Variants in GLRB observed in about 807,000 individuals in gnomAD.
GLRB encodes the protein glycine receptor beta.
In GLRB, 33 loss-of-function variants were observed where a neutral mutation model predicts 54.2. The ratio of observed to expected loss-of-function variants is 0.61; its 90% CI spans 0.46 to 0.81. The LOEUF (loss-of-function observed/expected upper bound fraction) is 0.81, where lower values mean the gene tolerates loss of function less well. Ranked by LOEUF, GLRB falls within the 40% of genes least tolerant of loss-of-function variation. GLRB has a pLI of 0.00. For missense variants in GLRB, 572 were observed against 584.6 expected, an observed-to-expected ratio of 0.98 and a Z score of 0.22; for synonymous variants, 209 against 208.2, an observed-to-expected ratio of 1.00 and a Z score of -0.03.
intron 4 of GLRB, among the ~76,000 whole-genome samples, chr4:157,134,265 A>G (rs1334781661): frequency 6.6e-6 from 1 of 152,086 alleles, no homozygotes; most frequent in Non-Finnish European, 1.5e-5. Flanking sequence ...GATAAAGAAT[A>G]CTAATGAGTG....
intron 2 of GLRB, among the ~76,000 whole-genome samples, chr4:157,089,108 G>A (rs1003706133): frequency 6.6e-5 from 10 of 152,082 alleles, no homozygotes; most frequent in Admixed American, 5.9e-4. Flanking sequence ...TAAAGATTTC[G>A]GCTGGGTGCC....
intron 2 of GLRB, among the ~76,000 whole-genome samples, chr4:157,083,171 A>G (rs1451399701): frequency 6.6e-6 from 1 of 152,034 alleles, no homozygotes; most frequent in Non-Finnish European, 1.5e-5. Context: ...GCTCTGTGCT[A>G]GTGCAGAAAT....
intron 9 of GLRB, among the ~76,000 whole-genome samples, chr4:157,159,358 C>A (rs1433663344): frequency 2.0e-5 from 3 of 152,058 alleles, no homozygotes; most frequent in Non-Finnish European, 2.9e-5. Flanking sequence ...GCCAGAACTT[C>A]CAACACTATG....
At chr4:157,109,846 C>A (rs1735353063) in intron 2 of GLRB, among the ~76,000 whole-genome samples, 1 of 152,016 alleles carries the variant, frequency 6.6e-6, no homozygotes, top group African/African-American at 2.4e-5. Context: ...GGTGATCAGG[C>A]AACTGGAGAA....
intron 2 of GLRB, among the ~76,000 whole-genome samples, chr4:157,090,724 A>C (rs766331243): frequency 3.9e-5 from 6 of 152,150 alleles, no homozygotes; most frequent in Admixed American, 1.3e-4. Context: ...CATCATTTGG[A>C]AAATACTGAT....
intron 9 of GLRB, among the ~76,000 whole-genome samples, 186 bp downstream of exon 9, chr4:157,153,196 C>G (rs538872333): frequency 6.6e-6 from 1 of 152,074 alleles, no homozygotes; most frequent in African/African-American, 2.4e-5. Flanking sequence ...ACATTCAGAA[C>G]GTTTAGGTCG....
chr4:157,141,527 C>T (rs936073704), intron 7 of GLRB, among the ~76,000 whole-genome samples: 1 of 151,566 alleles, frequency 6.6e-6, no homozygotes, highest in African/African-American at 2.4e-5. Flanking sequence ...ATAGAAGTAA[C>T]AAAAGTGGAG....
intron 2 of GLRB, among the ~76,000 whole-genome samples, chr4:157,083,675 A>G (rs1055462986): frequency 6.6e-6 from 1 of 152,152 alleles, no homozygotes; most frequent in African/African-American, 2.4e-5. Flanking sequence ...TAAAAATTTT[A>G]TCTTGATCTG....
At chr4:157,127,058 G>GA (rs1012786177) in intron 4 of GLRB, among the ~76,000 whole-genome samples, 2 of 151,510 alleles carry the variant, frequency 1.3e-5, no homozygotes, top group African/African-American at 4.8e-5. Context: ...TGACTGTCAA[G>GA]AAAAAAATTC....
At chr4:157,104,414 G>C (rs962368848) in intron 2 of GLRB, among the ~76,000 whole-genome samples, 2 of 152,018 alleles carry the variant, frequency 1.3e-5, no homozygotes, top group East Asian at 1.9e-4. Flanking sequence ...ATCCCACTTG[G>C]TCATGGTGTA....
At chr4:157,170,330 A>T (rs1231368821) in intron 9 of GLRB, 102 bp from the exon 10 acceptor site, 1 of 708,390 alleles carries the variant, frequency 1.4e-6, no homozygotes, top group African/African-American at 1.8e-5. Flanking sequence ...ACATAAGCAA[A>T]TGCTTCTTGT....
chr4:157,169,597 A>G (rs969350615), intron 9 of GLRB, among the ~76,000 whole-genome samples: 1 of 152,142 alleles, frequency 6.6e-6, no homozygotes, highest in Admixed American at 6.6e-5. Context: ...TGTATTTTTG[A>G]TCTGCATTTG....
At chr4:157,081,772 A>G (rs1352296025) in intron 2 of GLRB, among the ~76,000 whole-genome samples, 1 of 152,036 alleles carries the variant, frequency 6.6e-6, no homozygotes, top group Non-Finnish European at 1.5e-5. Flanking sequence ...TGCCACATTG[A>G]CCTTACCGTG....
chr4:157,106,931 G>A (rs1331984851), intron 2 of GLRB, among the ~76,000 whole-genome samples: 1 of 151,988 alleles, frequency 6.6e-6, no homozygotes, highest in African/African-American at 2.4e-5. Context: ...CTTTGAGCTA[G>A]TGTGTTGGCA....
At position 157,078,972 on chromosome 4, in the gene GLRB, C is replaced by T. The variant is rs903336530; in HGVS notation, c.122+826C>T. Among the ~76,000 whole-genome samples the T allele has an allele frequency of 8.5e-5, 13 of 152,280 alleles. 1 individual carries two copies. The highest frequency in any genetic ancestry group is 2.9e-4 in the African/African-American group (12 of 41,546). On this transcript the variant is annotated intron_variant, in intron 2 of 9. Transcript: ENST00000264428. ...ATTTTTTAGTAGAGACAGGATTTCA[C>T]CATGTTGACCTGTCTGGTCTCCAAC...
At chr4:157,113,262 T>C (rs1735487031) in intron 2 of GLRB, among the ~76,000 whole-genome samples, 1 of 151,910 alleles carries the variant, frequency 6.6e-6, no homozygotes, top group African/African-American at 2.4e-5. Context: ...TTAGAAGTCG[T>C]AACTATGGAT....
intron 4 of GLRB, among the ~76,000 whole-genome samples, chr4:157,126,802 C>T (rs17035689): frequency 0.035 from 5,239 of 151,768 alleles, 156 homozygotes; most frequent in African/African-American, 0.082. Context: ...TGGGTATTAT[C>T]GTGTATTGTC....
chr4:157,126,688 G>C (rs1200828894), intron 4 of GLRB, among the ~76,000 whole-genome samples: 1 of 151,796 alleles, frequency 6.6e-6, no homozygotes, highest in African/African-American at 2.4e-5. Context: ...CTACAGTTAT[G>C]CTTACAATAT....
In GLRB at chr4:157,078,072, G is replaced by A. The variant is rs1311408539; in HGVS notation, c.48G>A (p.Trp16Ter). ...CCTTTTTAATTTTAATTTCCTTGTG[G>A]GTGGAAGAAGCCTATTCTAAGGAAA... is the stretch of plus-strand genomic sequence containing the variant. ...TTAFLILISL[W>*]VEEAYSKEKS... is the part of the protein sequence containing the mutation. Residue 16 changes from tryptophan (W) to a stop codon, truncating the protein, a stop_gained, in exon 2 of 10, where the codon TGG becomes TGA. Coordinates refer to ENST00000264428, the MANE Select transcript of GLRB (RefSeq NM_000824.5). LOFTEE classifies it high-confidence loss of function. 2 of 1,610,314 alleles carry A rather than the reference G, an allele frequency of 1.2e-6. No individual in the cohort carries two copies. The highest frequency in any genetic ancestry group is 1.7e-6 in the Non-Finnish European group (2 of 1,177,088).
Sources: gnomAD v4.1 joint callset for allele counts (sites outside exome capture counted in the v4.1 genomes callset) on GRCh38, gnomAD v4.1.1 for gene constraint, MANE v1.5 for transcripts, NCBI Gene and HGNC (gene_info 2026-07-23, HGNC 2026-07-21) for gene names.